The following SIK3 variants were observed in gnomAD, a reference collection of about 807,000 sequenced individuals.
SIK3 encodes serine/threonine-protein kinase SIK3.
A neutral mutation model predicts 144.2 loss-of-function variants in SIK3; 28 were observed. That is an observed-to-expected ratio of 0.19 (90% CI 0.14 to 0.27). The LOEUF (loss-of-function observed/expected upper bound fraction) is 0.27, where lower values mean the gene tolerates loss of function less well. Among genes scored for constraint, SIK3 ranks in the 10% least tolerant of loss-of-function variants. The pLI is 1.00. For missense variants in SIK3, 1,319 were observed against 1,776.0 expected (o/e 0.74, Z 4.62); for synonymous variants, 686 against 676.3 (o/e 1.01, Z -0.22).
At chr11:116,970,040 C>T (rs1282419626) in intron 1 of SIK3, among the ~76,000 whole-genome samples, 1 of 152,148 alleles carries the variant, frequency 6.6e-6, no homozygotes, top group Non-Finnish European at 1.5e-5. Flanking sequence ...CTTTGGGAGG[C>T]CAAGGTGAGA....
chr11:116,868,973 C>T (rs553166773), intron 14 of SIK3: 2 of 152,060 alleles, frequency 1.3e-5, no homozygotes, highest in Non-Finnish European at 2.9e-5. Flanking sequence ...AACTGATGGG[C>T]ATTATACCCT....
rs1429077502 is a variant in SIK3 at position 116,847,608 on chromosome 11, C to A, written c.3820G>T (p.Val1274Leu). Residue 1274 changes from valine (V) to leucine (L), a missense_variant and splice_region_variant, in exon 23 of 25, where the codon GTA (valine) becomes TTA (leucine). Around this residue, in one of 8 missense-constraint regions of SIK3, gnomAD observed 646 missense variants for 763.7 expected, o/e 0.85. Coordinates refer to ENST00000445177, the MANE Select transcript of SIK3 (RefSeq NM_001366686.3). ...HTIQNSDDAY[V>L]QLDNLPGMSL... ...ATTCCTGGCAAGTTATCCAGCTGTA[C>A]CTGCAGAAAACAGTTAAGAGAAGAA... 1 of 1,614,030 alleles carries A rather than the reference C, an allele frequency of 6.2e-7. No homozygotes were observed. The highest frequency in any genetic ancestry group is 1.3e-5 in the African/African-American group (1 of 74,938).
intron 1 of SIK3, among the ~76,000 whole-genome samples, chr11:116,977,624 C>T (rs1045810360): frequency 6.6e-6 from 1 of 152,084 alleles, no homozygotes; most frequent in Non-Finnish European, 1.5e-5. Flanking sequence ...CAGGCTAGGG[C>T]TAGGGGCAAA....
chr11:116,936,130 T>C (rs1947904102), intron 3 of SIK3, among the ~76,000 whole-genome samples: 1 of 152,156 alleles, frequency 6.6e-6, no homozygotes, highest in Non-Finnish European at 1.5e-5. Context: ...TTTAAAAAAA[T>C]TTGAAAGATA....
intron 1 of SIK3, among the ~76,000 whole-genome samples, chr11:117,067,521 A>G (rs1954074666): frequency 6.6e-6 from 1 of 152,146 alleles, no homozygotes; most frequent in African/African-American, 2.4e-5. Context: ...GTGGAGGAGG[A>G]TGAGAATGAA....
chr11:117,017,758 A>T (rs1951599310), intron 1 of SIK3, among the ~76,000 whole-genome samples: 2 of 152,194 alleles, frequency 1.3e-5, no homozygotes, highest in South Asian at 4.1e-4. Flanking sequence ...GCTACTTGGA[A>T]TTGAACAAAT....
intron 1 of SIK3, among the ~76,000 whole-genome samples, chr11:117,045,039 G>A (rs1457360192): frequency 6.6e-6 from 1 of 152,218 alleles, no homozygotes; most frequent in Non-Finnish European, 1.5e-5. Context: ...AGGAGATAAA[G>A]ACTGGTTAGA....
intron 21 of SIK3, among the ~76,000 whole-genome samples, chr11:116,851,743 C>T (rs756642949): frequency 2.6e-5 from 4 of 152,154 alleles, no homozygotes; most frequent in South Asian, 2.1e-4. Context: ...GGGATTAGCC[C>T]GCCCGTCCTA....
At chr11:116,967,610 A>G (rs1949606221) in intron 1 of SIK3, among the ~76,000 whole-genome samples, 1 of 152,212 alleles carries the variant, frequency 6.6e-6, no homozygotes, top group African/African-American at 2.4e-5. Context: ...ATTATTTGAC[A>G]ATGAAGACTA....
rs1409435191 is a variant in SIK3 at position 116,844,647 on chromosome 11, TTATA to T, written c.*992_*995del. ...TATATATAATATATTATATTATATA[TTATA>T]TATATAATATATATATACACATATA... On this transcript the variant is annotated 3_prime_UTR_variant, in exon 25 of 25. Coordinates refer to ENST00000445177, the MANE Select transcript of SIK3 (RefSeq NM_001366686.3). The T allele has an allele frequency of 9.1e-6, 1 of 109,524 alleles. No homozygotes were observed. The allele number at this position is 109,524 out of a possible 1,614,324, so 6.8% of individuals were successfully genotyped here. A position where few individuals can be genotyped will look rare whatever the true frequency, so the allele number is the denominator to read the frequency against.
intron 1 of SIK3, among the ~76,000 whole-genome samples, chr11:117,043,089 T>C (rs1275580614): frequency 2.6e-5 from 4 of 152,200 alleles, no homozygotes; most frequent in Non-Finnish European, 4.4e-5. Flanking sequence ...ACAGCTTCCA[T>C]ATTAAAATTA....
chr11:117,012,342 C>T (rs1951298288), intron 1 of SIK3, among the ~76,000 whole-genome samples: 1 of 152,050 alleles, frequency 6.6e-6, no homozygotes, highest in Non-Finnish European at 1.5e-5. Context: ...TATATTGGAG[C>T]ATAGAGGGCA....
At chr11:117,010,101 C>T (rs996931721) in intron 1 of SIK3, among the ~76,000 whole-genome samples, 5 of 151,902 alleles carry the variant, frequency 3.3e-5, no homozygotes, top group Admixed American at 3.3e-4. Context: ...TGGCTTCTTC[C>T]TGGGAAGCCC....
chr11:117,078,667 T>C (rs1239493809), intron 1 of SIK3, among the ~76,000 whole-genome samples: 2 of 152,088 alleles, frequency 1.3e-5, no homozygotes, highest in East Asian at 1.9e-4. Flanking sequence ...CCTCCCAAAG[T>C]GCTGGGATTA....
intron 4 of SIK3, among the ~76,000 whole-genome samples, chr11:116,921,303 A>ATT (rs1412749107): frequency 2.0e-5 from 3 of 152,220 alleles, no homozygotes; most frequent in African/African-American, 7.2e-5. Flanking sequence ...TGTGAAGTAC[A>ATT]TTATATATAT....
intron 2 of SIK3, among the ~76,000 whole-genome samples, chr11:116,956,138 G>A (rs949827177): frequency 2.6e-5 from 4 of 152,032 alleles, no homozygotes; most frequent in African/African-American, 4.8e-5. Context: ...CAAAGTTCTC[G>A]GCTGCCAACA....
chr11:117,006,915 A>G (rs532698304), intron 1 of SIK3, among the ~76,000 whole-genome samples: 2 of 152,338 alleles, frequency 1.3e-5, no homozygotes, highest in East Asian at 3.9e-4. Flanking sequence ...AAAGGAAAAT[A>G]AAGTGATTTG....
In SIK3 at chr11:116,858,746, G is replaced by A. The variant is rs1443812546; in HGVS notation, c.2766-47C>T. ...CCAGACATCCATGTAACAAGTACTAGACTTCCTGGGAACAGCTCCTCCTCC... is the reference window on the plus strand; with the variant it reads ...CCAGACATCCATGTAACAAGTACTAAACTTCCTGGGAACAGCTCCTCCTCC... On this transcript the variant is annotated intron_variant, in intron 20 of 24. Coordinates refer to ENST00000445177, the MANE Select transcript of SIK3 (RefSeq NM_001366686.3). The surrounding 1 kb of genome is among the most constrained non-coding windows in gnomAD (Gnocchi z 5.4). 6 of 1,514,334 alleles carry A rather than the reference G, an allele frequency of 4.0e-6. No homozygotes were observed. 93.8% of individuals were successfully genotyped at this position (1,514,334 alleles called of 1,614,324 possible). A position where few individuals can be genotyped will look rare whatever the true frequency, so the allele number is the denominator to read the frequency against.
intron 1 of SIK3, among the ~76,000 whole-genome samples, chr11:117,060,634 G>A (rs2135953610): frequency 6.6e-6 from 1 of 151,744 alleles, no homozygotes; most frequent in African/African-American, 2.4e-5. Flanking sequence ...GCCAGGGACT[G>A]AGGAGAGGAA....
Sources: gnomAD v4.1 joint callset for allele counts (sites outside exome capture counted in the v4.1 genomes callset) on GRCh38, gnomAD v4.1.1 for gene constraint, gnomAD v4.1.1 regional missense constraint, Gnocchi (gnomAD v3.1) non-coding constraint, MANE v1.5 for transcripts, NCBI Gene and HGNC (gene_info 2026-07-23, HGNC 2026-07-21) for gene names.